The following EDIL3 variants were observed in gnomAD, a reference collection of about 807,000 sequenced individuals.
The protein encoded by EDIL3 is EGF-like repeat and discoidin I-like domain-containing protein 3.
In EDIL3, 37 loss-of-function variants were observed where a neutral mutation model predicts 67.4. That is an observed-to-expected ratio of 0.55 (90% CI 0.42 to 0.72). The LOEUF is 0.72. Among genes scored for constraint, EDIL3 ranks in the 30% least tolerant of loss-of-function variants. EDIL3 has a pLI of 0.00. For missense variants in EDIL3, 527 were observed against 586.3 expected (o/e 0.90, Z 1.04); for synonymous variants, 195 against 196.3 (o/e 0.99, Z 0.05).
intron 1 of EDIL3, among the ~76,000 whole-genome samples, chr5:84,367,567 T>C (rs547889241): frequency 2.0e-5 from 3 of 152,112 alleles, no homozygotes; most frequent in South Asian, 2.1e-4. Flanking sequence ...GGATCACTTA[T>C]GGTCAGGAGT....
intron 9 of EDIL3, among the ~76,000 whole-genome samples, chr5:84,020,200 C>A (rs535541273): frequency 6.6e-6 from 1 of 151,768 alleles, no homozygotes; most frequent in Non-Finnish European, 1.5e-5. Context: ...TTCTTAGATG[C>A]TTTAAATAAA....
intron 9 of EDIL3, among the ~76,000 whole-genome samples, chr5:84,037,475 A>C (rs1229030694): frequency 6.6e-6 from 1 of 152,220 alleles, no homozygotes; most frequent in Non-Finnish European, 1.5e-5. Flanking sequence ...CTACAAAATA[A>C]AATAGATTTC....
intron 1 of EDIL3, among the ~76,000 whole-genome samples, chr5:84,375,135 C>G (rs1302883227): frequency 1.3e-5 from 2 of 151,968 alleles, no homozygotes; most frequent in East Asian, 3.9e-4. Context: ...CCACGCCCAG[C>G]TATTTTTTGT....
intron 1 of EDIL3, among the ~76,000 whole-genome samples, chr5:84,292,967 T>A (rs558272606): frequency 3.9e-5 from 6 of 152,268 alleles, no homozygotes; most frequent in Non-Finnish European, 7.4e-5. Flanking sequence ...GTTACAATCT[T>A]CCCAGACGTT....
intron 9 of EDIL3, among the ~76,000 whole-genome samples, chr5:84,015,108 G>GT: frequency 6.6e-6 from 1 of 152,312 alleles, no homozygotes; most frequent in South Asian, 2.1e-4. Context: ...AGTAATTTAA[G>GT]TATGTGGTCC....
At chr5:84,383,250 C>A (rs575093550) in intron 1 of EDIL3, among the ~76,000 whole-genome samples, 2 of 152,214 alleles carry the variant, frequency 1.3e-5, no homozygotes, top group African/African-American at 4.8e-5. Flanking sequence ...CTCCCCCAGG[C>A]ACAGCTCCCA....
chr5:84,136,854 T>C (rs1317162243), intron 5 of EDIL3, among the ~76,000 whole-genome samples: 2 of 152,058 alleles, frequency 1.3e-5, no homozygotes, highest in South Asian at 4.1e-4. Flanking sequence ...CTGAATTTAC[T>C]CTCAGAACCA....
intron 4 of EDIL3, among the ~76,000 whole-genome samples, chr5:84,180,090 A>G (rs921247554): frequency 3.3e-5 from 5 of 152,042 alleles, no homozygotes; most frequent in African/African-American, 1.2e-4. Flanking sequence ...CTTTAGGACA[A>G]ATATGAAAGA....
chr5:84,017,460 A>G (rs1745626875), intron 9 of EDIL3, among the ~76,000 whole-genome samples: 1 of 152,216 alleles, frequency 6.6e-6, no homozygotes, highest in Admixed American at 6.6e-5. Flanking sequence ...ATTTAAAAGT[A>G]TCTTTCATGA....
chr5:84,010,043 C>G (rs1348829259), intron 9 of EDIL3, among the ~76,000 whole-genome samples: 1 of 152,202 alleles, frequency 6.6e-6, no homozygotes, highest in African/African-American at 2.4e-5. Flanking sequence ...TTATGCAAGT[C>G]ACACAGCTAG....
At chr5:84,347,787 C>G (rs181271613) in intron 1 of EDIL3, among the ~76,000 whole-genome samples, 6 of 152,334 alleles carry the variant, frequency 3.9e-5, no homozygotes, top group Non-Finnish European at 5.9e-5. Context: ...ATCATAGTTT[C>G]TATCATGTAG....
chr5:83,978,067 G>C (rs182688211), intron 9 of EDIL3, among the ~76,000 whole-genome samples: 1 of 151,934 alleles, frequency 6.6e-6, no homozygotes. Context: ...AATGAAATAG[G>C]AGATACAAAA....
chr5:84,123,501 C>T (rs1488941847), intron 5 of EDIL3, among the ~76,000 whole-genome samples: 1 of 151,880 alleles, frequency 6.6e-6, no homozygotes, highest in African/African-American at 2.4e-5. Flanking sequence ...AGCCAAGGCT[C>T]ATTATCTGTG....
intron 6 of EDIL3, among the ~76,000 whole-genome samples, chr5:84,085,740 T>C (rs1580319758): frequency 6.6e-6 from 1 of 152,234 alleles, no homozygotes. Flanking sequence ...GATCAGCTGC[T>C]CTCTTCAGAG....
At chr5:84,264,789 A>C (rs2112088882) in intron 1 of EDIL3, among the ~76,000 whole-genome samples, 1 of 152,312 alleles carries the variant, frequency 6.6e-6, no homozygotes, top group South Asian at 2.1e-4. Flanking sequence ...CATGATGGCA[A>C]CAGTTAGTCC....
intron 3 of EDIL3, among the ~76,000 whole-genome samples, chr5:84,193,689 G>A (rs755860407): frequency 6.6e-6 from 1 of 151,924 alleles, no homozygotes; most frequent in Non-Finnish European, 1.5e-5. Context: ...AAAAACATTA[G>A]TAGGGATGTG....
At chr5:84,007,358 A>G (rs192281166) in intron 9 of EDIL3, among the ~76,000 whole-genome samples, 38 of 152,242 alleles carry the variant, frequency 2.5e-4, no homozygotes, top group African/African-American at 8.7e-4. Flanking sequence ...GGGGAAAAAA[A>G]TAGCAAACTA....
At chr5:84,253,050 T>G (rs902580069) in intron 2 of EDIL3, among the ~76,000 whole-genome samples, 5 of 152,168 alleles carry the variant, frequency 3.3e-5, no homozygotes, top group Non-Finnish European at 7.4e-5. Flanking sequence ...AGATGGTAAA[T>G]TAATGGTTTT....
chr5:84,134,754 A>G (rs966356373), intron 5 of EDIL3, among the ~76,000 whole-genome samples: 4 of 152,108 alleles, frequency 2.6e-5, no homozygotes, highest in Admixed American at 6.6e-5. Flanking sequence ...AAACACCCCA[A>G]TAGGAAAATA....
Sources: allele counts gnomAD v4.1 joint callset (sites outside exome capture counted in the v4.1 genomes callset), GRCh38; gene constraint gnomAD v4.1.1; transcripts MANE v1.5; gene names NCBI Gene and HGNC (gene_info 2026-07-23, HGNC 2026-07-21).